Variants in DAB2IP observed in about 807,000 individuals in gnomAD.
The protein encoded by DAB2IP is DAB2 interacting protein, also known as disabled homolog 2-interacting protein.
DAB2IP carries 28 observed loss-of-function variants against 107.2 expected under a neutral mutation model. The observed-to-expected ratio is 0.26, with a 90% CI of 0.19 to 0.36. DAB2IP has a LOEUF of 0.36. Ranked by LOEUF, DAB2IP falls within the 10% of genes least tolerant of loss-of-function variation. The pLI is 1.00. For synonymous variants in DAB2IP, 755 were observed against 706.4 expected, an observed-to-expected ratio of 1.07 and a Z score of -1.09; for missense variants, 1,400 against 1,644.7, an observed-to-expected ratio of 0.85 and a Z score of 2.57.
At position 121,772,496 on chromosome 9, in the gene DAB2IP, G is replaced by C; in HGVS notation, c.2079-111G>C. ...CATCCATCTCCCCAGCGCTGGCTCA[G>C]GCTGCCAGGCCCCGGCAGGTTGGCG... On this transcript the variant is annotated intron_variant, in intron 11 of 15. Transcript: ENST00000408936. This position sits in a 1 kb window ranked among gnomAD's most constrained non-coding sequence, Gnocchi z 4.7. 1 of 1,235,954 alleles carries C rather than the reference G, an allele frequency of 8.1e-7. No individual in the cohort carries two copies. Among genetic ancestry groups the C allele is most frequent in the Non-Finnish European group, 1.1e-6 (1 of 876,864 alleles). The allele number at this position is 1,235,954 out of a possible 1,614,324, so 76.6% of individuals were successfully genotyped here.
chr9:121,621,977 T>C (rs1435759387), intron 1 of DAB2IP, among the ~76,000 whole-genome samples: 2 of 147,970 alleles, frequency 1.4e-5, no homozygotes, highest in African/African-American at 2.5e-5. Flanking sequence ...CTTTTTCTTT[T>C]TTCTTTCTTT....
chr9:121,777,600 C>T (rs1299714488), intron 14 of DAB2IP, among the ~76,000 whole-genome samples: 1 of 152,224 alleles, frequency 6.6e-6, no homozygotes, highest in Non-Finnish European at 1.5e-5. Context: ...GGAATATTTC[C>T]TCCTTAATGT....
In DAB2IP at chr9:121,763,896, G is replaced by A. The variant is rs1392837976; in HGVS notation, c.1460+17G>A. The A allele has an allele frequency of 1.9e-6, 3 of 1,611,864 alleles. No individual in the cohort carries two copies. The African/African-American group carries it at 4.0e-5, about 22-fold the overall frequency. ...CTCCTACTGGTCAGTGCGGTGCCCAGGTCTCCCCACCCTGTCGCCTTCCCC... is the reference window on the plus strand; with the variant it reads ...CTCCTACTGGTCAGTGCGGTGCCCAAGTCTCCCCACCCTGTCGCCTTCCCC... On this transcript the variant is annotated intron_variant, in intron 8 of 15. Transcript: ENST00000408936.
Position 121,771,515 on chromosome 9 carries a change from G to A in DAB2IP, c.2078+791G>A, listed in dbSNP as rs1364865274. ...GGTTAGGGGAGCCCAGGAGGGGCCA[G>A]AGATGCAGGTCCACTGAGTCTTGCA... On this transcript the variant is annotated intron_variant, in intron 11 of 15. Transcript: ENST00000408936. 2.2e-4 allele frequency among the ~76,000 whole-genome samples: 34 copies of A among 152,154 alleles called. 1 individual carries two copies. Among genetic ancestry groups the A allele is most frequent in the Admixed American group, 2.2e-3 (34 of 15,286 alleles).
intron 3 of DAB2IP, among the ~76,000 whole-genome samples, chr9:121,749,861 T>C (rs1204587010): frequency 6.6e-6 from 1 of 152,118 alleles, no homozygotes; most frequent in African/African-American, 2.4e-5. Flanking sequence ...GCCTGGGAAG[T>C]CCATATCTTG....
chr9:121,609,972 C>G (rs899399433), intron 1 of DAB2IP, among the ~76,000 whole-genome samples: 8 of 152,332 alleles, frequency 5.3e-5, no homozygotes, highest in Admixed American at 4.6e-4. Flanking sequence ...GGCTTAGTCA[C>G]AGGGATGAGA....
At chr9:121,572,242 C>T (rs1159344215) in intron 1 of DAB2IP, among the ~76,000 whole-genome samples, 3 of 152,088 alleles carry the variant, frequency 2.0e-5, no homozygotes, top group South Asian at 2.1e-4. Flanking sequence ...GTGCTTCCTC[C>T]GCCTGGGTGT....
intron 2 of DAB2IP, among the ~76,000 whole-genome samples, chr9:121,683,175 C>G (rs1249292077): frequency 6.6e-6 from 1 of 152,150 alleles, no homozygotes; most frequent in Non-Finnish European, 1.5e-5. Context: ...TGCATGTGCC[C>G]ACCCAGCTTC....
chr9:121,652,664 G>A (rs1832800618), intron 1 of DAB2IP, among the ~76,000 whole-genome samples: 1 of 152,108 alleles, frequency 6.6e-6, no homozygotes, highest in South Asian at 2.1e-4. Context: ...GTGGAAGGGA[G>A]GAGAAAGACG....
chr9:121,758,785 G>A (rs1833669164), intron 4 of DAB2IP, 113 bp from the exon 5 acceptor site: 8 of 876,598 alleles, frequency 9.1e-6, no homozygotes, highest in Non-Finnish European at 1.5e-5. Flanking sequence ...TCCTGAAGCT[G>A]TGATGCAGAC....
intron 3 of DAB2IP, among the ~76,000 whole-genome samples, chr9:121,725,133 T>C (rs765058441): frequency 1.3e-5 from 2 of 152,026 alleles, no homozygotes; most frequent in Non-Finnish European, 2.9e-5. Flanking sequence ...CTTCCCAGGG[T>C]GGAGAAACAC....
At chr9:121,596,234 G>C (rs1256547041) in intron 1 of DAB2IP, among the ~76,000 whole-genome samples, 15 of 152,334 alleles carry the variant, frequency 9.8e-5, no homozygotes, top group African/African-American at 3.1e-4. Context: ...GGGAGACTGA[G>C]ACAGGAGAAT....
At chr9:121,584,935 C>T (rs1351494654) in intron 1 of DAB2IP, among the ~76,000 whole-genome samples, 1 of 151,930 alleles carries the variant, frequency 6.6e-6, no homozygotes, top group African/African-American at 2.4e-5. Flanking sequence ...TCTGCATTTC[C>T]CCAGCTGGAG....
At chr9:121,590,941 A>G (rs1830412503) in intron 1 of DAB2IP, among the ~76,000 whole-genome samples, 1 of 152,206 alleles carries the variant, frequency 6.6e-6, no homozygotes, top group African/African-American at 2.4e-5. Context: ...ACCATAAAGG[A>G]AAGTGACTTG....
chr9:121,767,516 A>C (rs762015946), intron 9 of DAB2IP, among the ~76,000 whole-genome samples: 3 of 152,234 alleles, frequency 2.0e-5, no homozygotes, highest in Non-Finnish European at 4.4e-5. Context: ...TTGTCTCAAG[A>C]GGAGCAGAGG....
chr9:121,581,524 G>A lies in DAB2IP; in HGVS notation c.40+14296G>A, dbSNP rs146244000. On this transcript the variant is annotated intron_variant, in intron 1 of 16. Coordinates refer to the DAB2IP transcript ENST00000259371. Reference sequence around the variant, plus strand: ...GCTCATAGAACTCTGGCTGGAAAACGTAGCCCCATTTTACAGGGGAGGAAA... The same window carrying A: ...GCTCATAGAACTCTGGCTGGAAAACATAGCCCCATTTTACAGGGGAGGAAA... Among the ~76,000 whole-genome samples, 519 of 152,270 alleles carry A rather than the reference G, an allele frequency of 3.4e-3. 6 individuals carry two copies. Among genetic ancestry groups the A allele is most frequent in the African/African-American group, 0.012 (492 of 41,536 alleles).
chr9:121,679,370 C>T (rs962528818), intron 2 of DAB2IP, among the ~76,000 whole-genome samples: 1 of 150,650 alleles, frequency 6.6e-6, no homozygotes. Flanking sequence ...AACCCAATGA[C>T]CCTTAACGTC....
chr9:121,766,438 T>C, intron 8 of DAB2IP, 56 bp from the exon 9 acceptor site: 1 of 1,529,364 alleles, frequency 6.5e-7, no homozygotes, highest in Admixed American at 1.7e-5. Flanking sequence ...CTCTGTGCAC[T>C]CCTGTCCTGG....
chr9:121,690,526 T>C (rs532906151), intron 2 of DAB2IP, among the ~76,000 whole-genome samples: 1 of 152,314 alleles, frequency 6.6e-6, no homozygotes, highest in African/African-American at 2.4e-5. Flanking sequence ...CTAAGGCAAG[T>C]GTCAGCTGGA....
Sources: gnomAD v4.1 joint callset for allele counts (sites outside exome capture counted in the v4.1 genomes callset) on GRCh38, gnomAD v4.1.1 for gene constraint, Gnocchi (gnomAD v3.1) non-coding constraint, MANE v1.5 for transcripts, NCBI Gene and HGNC (gene_info 2026-07-23, HGNC 2026-07-21) for gene names.